DMD: variants seen among roughly 807,000 people sequenced by gnomAD.
DMD encodes mutant dystrophin.
DMD carries 63 observed loss-of-function variants against 330.1 expected under a neutral mutation model. The ratio of observed to expected loss-of-function variants is 0.19; its 90% CI spans 0.16 to 0.24. The LOEUF is 0.24. Among genes scored for constraint, DMD ranks in the 10% least tolerant of loss-of-function variants. The pLI is 1.00. For missense variants in DMD, 3,344 were observed against 2,684.1 expected, an observed-to-expected ratio of 1.25 and a Z score of -5.43; for synonymous variants, 1,223 against 959.8, an observed-to-expected ratio of 1.27 and a Z score of -5.07.
At chrX:32,788,250 T>C (rs2075558817) in intron 7 of DMD, among the ~76,000 whole-genome samples, 1 of 111,901 alleles carries the variant, frequency 8.9e-6, no homozygotes, top group African/African-American at 3.2e-5. Context: ...GGACTACTAT[T>C]AAATTAACTG....
chrX:32,426,735 A>G (rs1341342282), intron 29 of DMD, among the ~76,000 whole-genome samples: 1 of 112,000 alleles, frequency 8.9e-6, no homozygotes, highest in Non-Finnish European at 1.9e-5. Context: ...AGACTAGATA[A>G]AGAAAATGTG....
chrX:32,096,343 T>C (rs553302375), intron 44 of DMD, among the ~76,000 whole-genome samples: 3 of 111,447 alleles, frequency 2.7e-5, no homozygotes, highest in African/African-American at 9.8e-5. Flanking sequence ...TATGCTGCCT[T>C]GACATAGCTC....
At chrX:31,183,339 C>T (rs984134249) in intron 67 of DMD, among the ~76,000 whole-genome samples, 3 of 109,786 alleles carry the variant, frequency 2.7e-5, no homozygotes, top group East Asian at 2.9e-4. Context: ...CTCATAGAAT[C>T]ATAATGAGGG....
chrX:31,348,442 G>A (rs746034749), intron 61 of DMD, 114 bp downstream of exon 61: 2 of 686,446 alleles, frequency 2.9e-6, no homozygotes, highest in Non-Finnish European at 4.6e-6. Context: ...TGCTTCTACT[G>A]CATCTGATAA....
chrX:33,191,469 G>A (rs972970442), intron 1 of DMD, among the ~76,000 whole-genome samples: 1 of 110,179 alleles, frequency 9.1e-6, no homozygotes, highest in Non-Finnish European at 1.9e-5. Context: ...TGTCACCTAG[G>A]CTGGAGTGCA....
At chrX:31,439,509 A>AG (rs1821392008) in intron 60 of DMD, among the ~76,000 whole-genome samples, 1 of 110,835 alleles carries the variant, frequency 9.0e-6, no homozygotes, top group Admixed American at 9.6e-5. Context: ...AAACCTTTAA[A>AG]AAACATACAT....
chrX:31,909,274 T>C (rs2094517731), intron 47 of DMD, among the ~76,000 whole-genome samples: 1 of 111,411 alleles, frequency 9.0e-6, no homozygotes, highest in African/African-American at 3.3e-5. Context: ...TTTAATGACT[T>C]TTAGCTGTAG....
At chrX:32,341,880 G>A (rs2097744916) in intron 41 of DMD, among the ~76,000 whole-genome samples, 1 of 111,036 alleles carries the variant, frequency 9.0e-6, no homozygotes, top group African/African-American at 3.3e-5. Context: ...TTGATAAGGG[G>A]TTTTCCCTGT....
At chrX:32,603,904 G>A (rs1419008217) in intron 12 of DMD, among the ~76,000 whole-genome samples, 1 of 111,328 alleles carries the variant, frequency 9.0e-6, no homozygotes, top group Admixed American at 9.6e-5. Context: ...CGTATTCACA[G>A]CCGAATTCTA....
At chrX:32,398,608 A>G (rs770912137) in intron 30 of DMD, among the ~76,000 whole-genome samples, 7 of 111,908 alleles carry the variant, frequency 6.3e-5, no homozygotes, top group Non-Finnish European at 9.4e-5. Flanking sequence ...GACATTGTGT[A>G]TAATTATTAC....
chrX:31,508,263 C>T, intron 55 of DMD: 2 of 1,204,807 alleles, frequency 1.7e-6, no homozygotes, highest in Non-Finnish European at 2.2e-6. Flanking sequence ...GGCACTACAG[C>T]ACTGATCCTG....
At chrX:32,175,246 C>T (rs747540308) in intron 44 of DMD, among the ~76,000 whole-genome samples, 1 of 110,751 alleles carries the variant, frequency 9.0e-6, no homozygotes, top group African/African-American at 3.3e-5. Context: ...GATTGTAAAA[C>T]GCACCAATCA....
At position 32,467,221 on chromosome X, in the gene DMD, G is replaced by A. The variant is rs551567983; in HGVS notation, c.3162+1277C>T. ...GCTAGACTGGGATTTAAATCCAGGA[G>A]CATATTGTTGCAATGTTTTTCCATC... On this transcript the variant is annotated intron_variant, in intron 23 of 78. Transcript: ENST00000357033. 2.7e-5 allele frequency among the ~76,000 whole-genome samples: 3 copies of A among 112,182 alleles called. No individual in the cohort carries two copies. In the South Asian group the frequency reaches 1.1e-3, roughly 41 times the overall value.
chrX:31,172,606 C>A (rs1448289622), intron 72 of DMD, among the ~76,000 whole-genome samples, 193 bp from the exon 73 acceptor site: 1 of 111,863 alleles, frequency 8.9e-6, no homozygotes, highest in Admixed American at 9.5e-5. Context: ...GTTAGTAGCA[C>A]TACATTTATG....
intron 7 of DMD, among the ~76,000 whole-genome samples, chrX:32,781,066 C>A (rs181823179): frequency 9.4e-6 from 1 of 105,994 alleles, no homozygotes; most frequent in Admixed American, 1.0e-4. Flanking sequence ...TGCAGTGAGC[C>A]GAGATCGCGC....
At chrX:31,208,178 A>G (rs1276149264) in intron 65 of DMD, among the ~76,000 whole-genome samples, 1 of 111,588 alleles carries the variant, frequency 9.0e-6, no homozygotes, top group African/African-American at 3.3e-5. Flanking sequence ...TCGGTGAACA[A>G]TATGCTCAAC....
intron 51 of DMD, among the ~76,000 whole-genome samples, chrX:31,744,191 C>G (rs1417577309): frequency 9.0e-6 from 1 of 111,651 alleles, no homozygotes; most frequent in African/African-American, 3.3e-5. Context: ...CATATGAGTG[C>G]AGTTCATGAC....
chrX:32,562,056 C>A (rs1467963916), intron 16 of DMD, among the ~76,000 whole-genome samples: 3 of 111,073 alleles, frequency 2.7e-5, no homozygotes, highest in Non-Finnish European at 3.8e-5. Flanking sequence ...CGATCAGGGC[C>A]AAGGCAATTA....
intron 1 of DMD, among the ~76,000 whole-genome samples, chrX:33,088,578 G>C (rs772713547): frequency 2.7e-5 from 3 of 110,873 alleles, no homozygotes; most frequent in Non-Finnish European, 3.8e-5. Context: ...AGAGCTACTC[G>C]GGAGGCTGAG....
Sources: allele counts gnomAD v4.1 joint callset (sites outside exome capture counted in the v4.1 genomes callset), GRCh38; gene constraint gnomAD v4.1.1; transcripts MANE v1.5; gene names NCBI Gene and HGNC (gene_info 2026-07-23, HGNC 2026-07-21).